The following NTRK3 variants were observed in gnomAD, a reference collection of about 807,000 sequenced individuals.
NTRK3 encodes the protein neurotrophic receptor tyrosine kinase 3.
In NTRK3, 24 loss-of-function variants were observed where a neutral mutation model predicts 91.7. The observed-to-expected ratio is 0.26, with a 90% CI of 0.19 to 0.37. The LOEUF is 0.37. Among genes scored for constraint, NTRK3 ranks in the 10% least tolerant of loss-of-function variants. NTRK3 has a pLI of 1.00. For missense variants in NTRK3, 880 were observed against 1,068.9 expected (o/e 0.82, Z 2.46); for synonymous variants, 483 against 404.0 (o/e 1.20, Z -2.34).
Position 87,966,889 on chromosome 15 carries a change from C to T in NTRK3, c.1586-26136G>A, listed in dbSNP as rs201274624. ...GTATTGTCTCTAGACTGGGGTTTCT[C>T]AACGTTAATACTGTTAGCATTTGGG... On this transcript the variant is annotated intron_variant, in intron 14 of 18. Coordinates refer to ENST00000394480, the Ensembl canonical transcript of NTRK3. Among the ~76,000 whole-genome samples, 35 of 152,276 alleles carry T rather than the reference C, an allele frequency of 2.3e-4. 1 individual carries two copies. In the East Asian group the frequency reaches 6.4e-3, roughly 28 times the overall value.
At chr15:88,056,145 G>C (rs898327410) in intron 13 of NTRK3, among the ~76,000 whole-genome samples, 3 of 148,078 alleles carry the variant, frequency 2.0e-5, no homozygotes, top group African/African-American at 7.4e-5. Context: ...AGGACAACGT[G>C]GGTGAAGCAT....
chr15:87,860,179 CAT>C (rs1214465698), exon 19 of NTRK3: 4 of 223,420 alleles, frequency 1.8e-5, no homozygotes, highest in African/African-American at 6.7e-5. Flanking sequence ...GATGAAGACA[CAT>C]GTTTGCCTTG....
chr15:88,256,091 G>C (rs1447021829), exon 3 of NTRK3: 2 of 1,612,358 alleles, frequency 1.2e-6, no homozygotes, highest in South Asian at 2.2e-5. Context: ...AGTCCAGCCA[G>C]ACGCTTCCCA....
At chr15:87,949,412 T>C (rs1285525841) in intron 14 of NTRK3, among the ~76,000 whole-genome samples, 1 of 151,978 alleles carries the variant, frequency 6.6e-6, no homozygotes, top group Non-Finnish European at 1.5e-5. Flanking sequence ...CTGGGGCACG[T>C]GTGCACCCTT....
At chr15:87,876,894 G>C (rs777527643) in exon 19 of NTRK3, 63 of 1,605,400 alleles carry the variant, frequency 3.9e-5, no homozygotes, top group Non-Finnish European at 5.0e-5. Flanking sequence ...GGCAGGGAGA[G>C]AGGAGGCAAC....
intron 14 of NTRK3, among the ~76,000 whole-genome samples, chr15:87,958,479 C>A (rs1399028569): frequency 6.6e-6 from 1 of 151,944 alleles, no homozygotes; most frequent in Admixed American, 6.6e-5. Flanking sequence ...TGTAACACAG[C>A]CGAAAAGAAC....
chr15:88,072,588 G>A, intron 13 of NTRK3: 1 of 232,536 alleles, frequency 4.3e-6, no homozygotes, highest in Non-Finnish European at 8.5e-6. Flanking sequence ...ACAGCCAAAA[G>A]CTCCAGGCCA....
intron 14 of NTRK3, among the ~76,000 whole-genome samples, chr15:87,997,159 T>C (rs2075766790): frequency 6.6e-6 from 1 of 152,144 alleles, no homozygotes; most frequent in African/African-American, 2.4e-5. Context: ...ACCTGCATAA[T>C]GGGGATAACT....
intron 5 of NTRK3, among the ~76,000 whole-genome samples, chr15:88,160,613 G>C (rs532590314): frequency 1.3e-5 from 2 of 152,320 alleles, no homozygotes; most frequent in African/African-American, 4.8e-5. Flanking sequence ...GAGGACATGT[G>C]AGCACACCAT....
At chr15:88,256,073 G>A (rs1321194202) in exon 3 of NTRK3, 4 of 1,613,046 alleles carry the variant, frequency 2.5e-6, no homozygotes, top group African/African-American at 1.3e-5. Flanking sequence ...CCAGCACGGA[G>A]CCCACATAGT....
intron 13 of NTRK3, among the ~76,000 whole-genome samples, chr15:88,121,600 TTA>T (rs1291318714): frequency 1.2e-4 from 19 of 152,356 alleles, no homozygotes; most frequent in African/African-American, 3.8e-4. Flanking sequence ...TGAAATATTT[TTA>T]TATGTTTCTG....
intron 13 of NTRK3, among the ~76,000 whole-genome samples, chr15:88,109,281 G>A (rs922607952): frequency 2.0e-5 from 3 of 152,146 alleles, no homozygotes; most frequent in East Asian, 1.9e-4. Context: ...AAATTGGGGC[G>A]TTCAGTCACC....
intron 14 of NTRK3, among the ~76,000 whole-genome samples, chr15:87,969,300 G>A (rs147661602): frequency 1.1e-4 from 17 of 152,310 alleles, no homozygotes; most frequent in African/African-American, 3.6e-4. Context: ...TTACTGACGC[G>A]TGTGCCAGAG....
intron 14 of NTRK3, among the ~76,000 whole-genome samples, chr15:87,969,805 C>T (rs1343064546): frequency 6.6e-6 from 1 of 152,140 alleles, no homozygotes; most frequent in East Asian, 1.9e-4. Context: ...AGATCAATTT[C>T]AGAAAATCTT....
chr15:88,068,337 A>G (rs538090476), intron 13 of NTRK3, among the ~76,000 whole-genome samples: 16 of 152,186 alleles, frequency 1.1e-4, no homozygotes. Flanking sequence ...GAGGCTGAGG[A>G]AGAGAATTGC....
intron 17 of NTRK3, among the ~76,000 whole-genome samples, chr15:87,917,560 A>T (rs1307764287): frequency 6.6e-6 from 1 of 152,176 alleles, no homozygotes; most frequent in Non-Finnish European, 1.5e-5. Flanking sequence ...ATCCTGGTTT[A>T]TTTAGGTATT....
At chr15:88,213,667 T>C (rs1160691357) in intron 3 of NTRK3, among the ~76,000 whole-genome samples, 3 of 152,208 alleles carry the variant, frequency 2.0e-5, no homozygotes, top group Non-Finnish European at 2.9e-5. Flanking sequence ...CATTAACTTA[T>C]TACGGCCCTC....
At chr15:88,122,916 G>A (rs1158610897) in intron 13 of NTRK3, among the ~76,000 whole-genome samples, 5 of 152,098 alleles carry the variant, frequency 3.3e-5, no homozygotes, top group Admixed American at 3.3e-4. Context: ...GTGTTTTCAG[G>A]CATACTAGGC....
intron 14 of NTRK3, among the ~76,000 whole-genome samples, chr15:87,998,985 T>C (rs1596603245): frequency 6.6e-6 from 1 of 152,024 alleles, no homozygotes; most frequent in South Asian, 2.1e-4. Flanking sequence ...GGCAATTCAA[T>C]CAATCCTCAA....
Sources: allele counts gnomAD v4.1 joint callset (sites outside exome capture counted in the v4.1 genomes callset), GRCh38; gene constraint gnomAD v4.1.1; transcripts MANE v1.5; gene names NCBI Gene and HGNC (gene_info 2026-07-23, HGNC 2026-07-21).